METTL24: variants seen among roughly 807,000 people sequenced by gnomAD.
METTL24 encodes methyltransferase like 24.
Under a neutral mutation model 32.7 loss-of-function variants are expected in METTL24, and 29 were observed. The ratio of observed to expected loss-of-function variants is 0.89; its 90% CI spans 0.66 to 1.21. METTL24 has a LOEUF of 1.21. Among genes scored for constraint, METTL24 ranks in the 50% most tolerant of loss-of-function variants. METTL24 has a pLI of 0.00. For synonymous variants in METTL24, 163 were observed against 179.5 expected, an observed-to-expected ratio of 0.91 and a Z score of 0.73; for missense variants, 439 against 468.1, an observed-to-expected ratio of 0.94 and a Z score of 0.57.
At chr6:110,329,649 G>A (rs1023993612) in intron 1 of METTL24, among the ~76,000 whole-genome samples, 1 of 152,146 alleles carries the variant, frequency 6.6e-6, no homozygotes, top group African/African-American at 2.4e-5. Context: ...AGGCTGCGAG[G>A]GGAGTGCCGG....
At chr6:110,316,890 T>C (rs1029580537) in intron 2 of METTL24, among the ~76,000 whole-genome samples, 3 of 151,806 alleles carry the variant, frequency 2.0e-5, no homozygotes, top group African/African-American at 7.3e-5. Context: ...AGACCCTGTC[T>C]CAAAAAAATA....
intron 4 of METTL24, among the ~76,000 whole-genome samples, chr6:110,252,090 G>A (rs370047130): frequency 2.6e-5 from 4 of 152,158 alleles, no homozygotes; most frequent in Admixed American, 6.5e-5. Context: ...GTTGCAGTGA[G>A]CTGAGATGGC....
intron 4 of METTL24, among the ~76,000 whole-genome samples, chr6:110,295,794 AAAGGAAGGAAGGAAGGAAGG>A (rs71018387): frequency 8.1e-5 from 11 of 136,322 alleles, no homozygotes; most frequent in Admixed American, 2.2e-4. Flanking sequence ...AGAAAGAAAG[AAAGGAAGGAAGGAAGGAAGG>A]AAGGAAGGAA....
intron 4 of METTL24, among the ~76,000 whole-genome samples, chr6:110,291,096 G>A (rs1771310658): frequency 6.6e-6 from 1 of 151,908 alleles, no homozygotes. Context: ...ATGTATTCTG[G>A]ATACAAGTCC....
Position 110,315,357 on chromosome 6 carries a change from C to CG in METTL24, c.541dup (p.Arg181ProfsTer10). ...ATGTACTCACCCTAAGGAGTAGAGG[C>CG]GGCACTGCTTGTTGCGGATTTGATG... On this transcript the variant is annotated frameshift_variant, in exon 3 of 5. Coordinates refer to ENST00000338882, the MANE Select transcript of METTL24 (RefSeq NM_001123364.3). LOFTEE classifies it high-confidence loss of function. 2 of 1,614,096 alleles carry CG rather than the reference C, an allele frequency of 1.2e-6. No individual in the cohort carries two copies. Among genetic ancestry groups the CG allele is most frequent in the African/African-American group, 2.7e-5 (2 of 75,036 alleles).
intron 1 of METTL24, among the ~76,000 whole-genome samples, chr6:110,348,721 A>T (rs28681216): frequency 2.6e-5 from 4 of 152,230 alleles, no homozygotes. Context: ...GGCCGTGAAG[A>T]TGGATTGACT....
Position 110,254,581 on chromosome 6 carries a change from G to A in METTL24, c.787-8321C>T, listed in dbSNP as rs41288580. Among the ~76,000 whole-genome samples the A allele has an allele frequency of 8.0e-3, 1,212 of 152,266 alleles. 4 individuals carry two copies. The highest frequency in any genetic ancestry group is 0.017 in the Middle Eastern group (5 of 294). ...CAGAAGGCAGAGGCTGCAGTGAGCC[G>A]AGATCATGCCACTGCACTCCAGCCT... On this transcript the variant is annotated intron_variant, in intron 4 of 4. Transcript: ENST00000338882.
At chr6:110,293,851 G>A (rs1404416290) in intron 4 of METTL24, among the ~76,000 whole-genome samples, 1 of 151,680 alleles carries the variant, frequency 6.6e-6, no homozygotes, top group African/African-American at 2.4e-5. Context: ...AAGTGCATGT[G>A]AATCTATCTC....
At chr6:110,249,288 A>G (rs1170457386) in intron 4 of METTL24, among the ~76,000 whole-genome samples, 2 of 152,032 alleles carry the variant, frequency 1.3e-5, no homozygotes, top group East Asian at 1.9e-4. Flanking sequence ...TGAAAATCCA[A>G]TTTTCATTTA....
chr6:110,302,536 CAT>C lies in METTL24; in HGVS notation c.558-3388_558-3387del, dbSNP rs1562230874. Among the ~76,000 whole-genome samples the C allele has an allele frequency of 6.4e-3, 748 of 116,540 alleles. 48 individuals are homozygous for C. The highest frequency in any genetic ancestry group is 0.034 in the African/African-American group (697 of 20,512). 76.5% of individuals were successfully genotyped at this position (116,540 alleles called of 152,430 possible). A position where few individuals can be genotyped will look rare whatever the true frequency, so the allele number is the denominator to read the frequency against. The stretch of plus-strand genomic sequence containing the variant: ...ACACACACATATGTGTATATATACA[CAT>C]ATACACACACATATGTGTATATATA... On this transcript the variant is annotated intron_variant, in intron 3 of 4. Coordinates refer to ENST00000338882, the MANE Select transcript of METTL24 (RefSeq NM_001123364.3).
intron 4 of METTL24, among the ~76,000 whole-genome samples, chr6:110,271,856 A>G (rs73763004): frequency 0.072 from 10,944 of 152,278 alleles, 586 homozygotes; most frequent in African/African-American, 0.16. Flanking sequence ...TTGTTTGTGG[A>G]GAATGAGACA....
At chr6:110,265,249 A>G (rs1770835458) in intron 4 of METTL24, among the ~76,000 whole-genome samples, 1 of 152,228 alleles carries the variant, frequency 6.6e-6, no homozygotes, top group Non-Finnish European at 1.5e-5. Flanking sequence ...GAGTGCCCAG[A>G]AAAGCACAAC....
rs753848276 is a variant in METTL24, at chr6:110,358,176, G to A, written c.97C>T (p.Leu33=). Residue 33 remains leucine (L), a synonymous_variant, in exon 1 of 5, where the codon CTG becomes TTG. Transcript: ENST00000338882. The part of the protein sequence containing the change: ...LLFGLRLCAE[L]RRAGPGSPTR... ...GGGGACCCGGGCCCGGCGCGCCGCA[G>A]CTCTGCGCAGAGCCGCAGGCCGAAC... 1.0e-4 allele frequency: 143 copies of A among 1,370,420 alleles called. No homozygotes were observed. The Middle Eastern group carries it at 1.3e-3, about 13-fold the overall frequency. The allele number at this position is 1,370,420 out of a possible 1,614,324, so 84.9% of individuals were successfully genotyped here. A position where few individuals can be genotyped will look rare whatever the true frequency, so the allele number is the denominator to read the frequency against.
At chr6:110,281,627 C>T (rs1228297215) in intron 4 of METTL24, among the ~76,000 whole-genome samples, 15 of 148,298 alleles carry the variant, frequency 1.0e-4, no homozygotes, top group African/African-American at 3.3e-4. Context: ...CCAGCCTGAG[C>T]GATGGAGTGA....
At chr6:110,297,709 A>G (rs1201518366) in intron 4 of METTL24, among the ~76,000 whole-genome samples, 1 of 152,220 alleles carries the variant, frequency 6.6e-6, no homozygotes, top group African/African-American at 2.4e-5. Context: ...TCCCACACAT[A>G]TGAAAAACAT....
intron 1 of METTL24, among the ~76,000 whole-genome samples, chr6:110,325,441 G>A (rs1772000744): frequency 6.6e-6 from 1 of 152,204 alleles, no homozygotes; most frequent in Non-Finnish European, 1.5e-5. Flanking sequence ...ACAGGCAGCA[G>A]GCTGGATTGG....
At chr6:110,258,989 A>T (rs763790847) in intron 4 of METTL24, among the ~76,000 whole-genome samples, 2 of 152,286 alleles carry the variant, frequency 1.3e-5, no homozygotes, top group Non-Finnish European at 2.9e-5. Context: ...ATCTTTTGAA[A>T]GTTAATATCC....
intron 3 of METTL24, among the ~76,000 whole-genome samples, chr6:110,300,448 T>G (rs974166756): frequency 3.6e-5 from 5 of 139,878 alleles, no homozygotes; most frequent in Admixed American, 7.4e-5. Context: ...TTAGATGGAG[T>G]CTGGCTCCAT....
At chr6:110,308,060 T>A (rs1211275774) in intron 3 of METTL24, among the ~76,000 whole-genome samples, 1 of 152,212 alleles carries the variant, frequency 6.6e-6, no homozygotes, top group African/African-American at 2.4e-5. Context: ...TGATCCTCTT[T>A]CTCTGATGTC....
Sources: gnomAD v4.1 joint callset for allele counts (sites outside exome capture counted in the v4.1 genomes callset) on GRCh38, gnomAD v4.1.1 for gene constraint, MANE v1.5 for transcripts, NCBI Gene and HGNC (gene_info 2026-07-23, HGNC 2026-07-21) for gene names.